The following SYNRG variants were observed in gnomAD, a reference collection of about 807,000 sequenced individuals.
SYNRG encodes the protein synergin gamma, also known as AP1 gamma subunit binding protein 1.
In SYNRG, 37 loss-of-function variants were observed where a neutral mutation model predicts 130.9. That is an observed-to-expected ratio of 0.28 (90% confidence interval 0.22 to 0.37). The LOEUF is 0.37. SYNRG is among the 10% of genes least tolerant of loss of function. SYNRG has a pLI of 1.00. For synonymous variants in SYNRG, 539 were observed against 568.1 expected, an observed-to-expected ratio of 0.95 and a Z score of 0.73; for missense variants, 1,338 against 1,588.9, an observed-to-expected ratio of 0.84 and a Z score of 2.68.
intron 3 of SYNRG, among the ~76,000 whole-genome samples, chr17:37,592,342 G>A (rs113247883): frequency 1.4e-3 from 211 of 152,308 alleles, no homozygotes; most frequent in African/African-American, 4.9e-3. Flanking sequence ...TACATTGCCG[G>A]TGGGAATGTA....
At chr17:37,591,206 TA>T (rs1485418270) in intron 3 of SYNRG, among the ~76,000 whole-genome samples, 1 of 152,160 alleles carries the variant, frequency 6.6e-6, no homozygotes, top group Non-Finnish European at 1.5e-5. Context: ...CACTGACATT[TA>T]AAAAACGCCA....
chr17:37,560,765 A>G (rs948654219), intron 13 of SYNRG, among the ~76,000 whole-genome samples: 1 of 151,720 alleles, frequency 6.6e-6, no homozygotes, highest in Non-Finnish European at 1.5e-5. Context: ...CCTGGGTTCA[A>G]GCGATTCTCT....
At chr17:37,586,352 T>C in intron 4 of SYNRG, 67 bp downstream of exon 4, 1 of 1,592,140 alleles carries the variant, frequency 6.3e-7, no homozygotes, top group Non-Finnish European at 8.6e-7. Flanking sequence ...CTAGAGATCA[T>C]TAGACAATTC....
intron 18 of SYNRG, chr17:37,536,477 T>C (rs958178180): frequency 1.2e-5 from 3 of 241,886 alleles, no homozygotes; most frequent in African/African-American, 2.3e-5. Context: ...TAGGGTAATA[T>C]GGTAAAAGGC....
Position 37,516,661 on chromosome 17 carries a change from CTTTTTTT to C in SYNRG, c.*2272_*2278del, listed in dbSNP as rs35105109. The C allele has an allele frequency of 1.8e-3, 252 of 138,848 alleles. No homozygotes were observed. Among genetic ancestry groups the C allele is most frequent in the African/African-American group, 6.5e-3 (244 of 37,672 alleles). 8.6% of individuals were successfully genotyped at this position (138,848 alleles called of 1,614,324 possible). Reference sequence around the variant, plus strand: ...AGCAATACAAATTCAAACTGGGAAACTTTTTTTTTTTTTTTTTTAAGAGACAGTGTCT... The same window carrying C: ...AGCAATACAAATTCAAACTGGGAAACTTTTTTTTTTTAAGAGACAGTGTCT... On this transcript the variant is annotated 3_prime_UTR_variant, in exon 22 of 22. Transcript: ENST00000612223.
intron 8 of SYNRG, 57 bp from the exon 9 acceptor site, chr17:37,572,044 T>G (rs1380598707): frequency 1.2e-5 from 17 of 1,449,188 alleles, no homozygotes; most frequent in African/African-American, 2.8e-5. Context: ...ATTTATTTTT[T>G]GGGATGCCAT....
chr17:37,593,113 TAATC>T (rs1039957422), intron 3 of SYNRG, among the ~76,000 whole-genome samples: 45 of 152,100 alleles, frequency 3.0e-4, no homozygotes, highest in African/African-American at 1.0e-3. Context: ...AATATAATAA[TAATC>T]AAGACTAAAT....
rs186331113 is a variant in SYNRG, at chr17:37,604,110, C to T, written c.78-3707G>A. Among the ~76,000 whole-genome samples the T allele has an allele frequency of 1.1e-4, 17 of 151,972 alleles. No individual in the cohort carries two copies. The East Asian group carries it at 3.3e-3, about 29-fold the overall frequency. ...ATAAAATTAGCCTGGCGTGGTGGTG[C>T]GTGCCTGTAATCTCAGCTACTGGGG... On this transcript the variant is annotated intron_variant, in intron 1 of 21. Transcript: ENST00000612223.
rs760200270 is a variant in SYNRG, at chr17:37,561,608, A to G, written c.1482-19T>C. 16 of 1,567,456 alleles carry G rather than the reference A, an allele frequency of 1.0e-5. No homozygotes were observed. Among genetic ancestry groups the G allele is most frequent in the East Asian group, 4.5e-5 (2 of 44,544 alleles). On this transcript the variant is annotated intron_variant, in intron 11 of 21. Coordinates refer to ENST00000612223, the MANE Select transcript of SYNRG (RefSeq NM_007247.6). ...AGGGGCACTGAAGGAAAAAATAAACATATTTTGATGACATTGAATCCCTCC... is the reference window on the plus strand; with the variant it reads ...AGGGGCACTGAAGGAAAAAATAAACGTATTTTGATGACATTGAATCCCTCC...
chr17:37,576,697 T>C (rs188118150), intron 7 of SYNRG, among the ~76,000 whole-genome samples: 1 of 152,184 alleles, frequency 6.6e-6, no homozygotes, highest in Non-Finnish European at 1.5e-5. Context: ...CCATTTAACA[T>C]GTATTACAAA....
intron 14 of SYNRG, among the ~76,000 whole-genome samples, chr17:37,551,139 C>T (rs1361199958): frequency 6.6e-6 from 1 of 152,224 alleles, no homozygotes; most frequent in African/African-American, 2.4e-5. Flanking sequence ...CATCAGCTCA[C>T]TTCTTATTTC....
chr17:37,588,964 G>A (rs933484539), intron 3 of SYNRG, among the ~76,000 whole-genome samples: 2 of 151,992 alleles, frequency 1.3e-5, no homozygotes, highest in African/African-American at 4.8e-5. Context: ...TGGAAAGGAG[G>A]GACTGTCTAA....
intron 19 of SYNRG, among the ~76,000 whole-genome samples, chr17:37,527,730 C>T (rs1170372459): frequency 6.6e-6 from 1 of 152,126 alleles, no homozygotes; most frequent in Non-Finnish European, 1.5e-5. Context: ...AGGTTATATG[C>T]AAATCCTATG....
intron 17 of SYNRG, 147 bp from the exon 18 acceptor site, chr17:37,538,567 G>A (rs1205826406): frequency 6.5e-6 from 4 of 612,966 alleles, no homozygotes; most frequent in African/African-American, 1.9e-5. Context: ...CATTTCTCTG[G>A]AAGAGAAAAT....
In SYNRG at chr17:37,609,325, C is replaced by G; in HGVS notation, c.31G>C (p.Gly11Arg). 6.8e-7 allele frequency: 1 copy of G among 1,469,986 alleles called. No individual in the cohort carries two copies. The highest frequency in any genetic ancestry group is 8.9e-7 in the Non-Finnish European group (1 of 1,117,458). The allele number at this position is 1,469,986 out of a possible 1,614,324, so 91.1% of individuals were successfully genotyped here. MALRPGAGSG[G>R]GGAAGAGAGS... Reference sequence around the variant, plus strand: ...GCGCCAGCTCCCGCGGCCCCGCCGCCACCAGAACCAGCTCCTGGCCGCAGC... The same window carrying G: ...GCGCCAGCTCCCGCGGCCCCGCCGCGACCAGAACCAGCTCCTGGCCGCAGC... The change falls in exon 1 of 22, where the codon GGC becomes CGC. Residue 11 changes from glycine to arginine, a missense_variant. Physicochemically the swap from Gly to Arg is moderately radical, Grantham distance 125. Around this residue, in one of 3 missense-constraint regions of SYNRG, gnomAD observed 184 missense variants for 217.2 expected, o/e 0.85. Coordinates refer to ENST00000612223, the MANE Select transcript of SYNRG (RefSeq NM_007247.6).
chr17:37,522,553 C>T (rs988903357), intron 19 of SYNRG, among the ~76,000 whole-genome samples: 5 of 151,788 alleles, frequency 3.3e-5, no homozygotes, highest in African/African-American at 9.7e-5. Flanking sequence ...CTGCAGCCTC[C>T]GCCTCCTGGG....
chr17:37,545,602 G>A, intron 14 of SYNRG, among the ~76,000 whole-genome samples: 1 of 152,238 alleles, frequency 6.6e-6, no homozygotes, highest in African/African-American at 2.4e-5. Context: ...CCTAAGCTGA[G>A]GCATTTTTAA....
chr17:37,551,238 A>G (rs2058685014), intron 14 of SYNRG, among the ~76,000 whole-genome samples: 1 of 152,222 alleles, frequency 6.6e-6, no homozygotes, highest in South Asian at 2.1e-4. Flanking sequence ...CATTACTTTG[A>G]ATAAGTCCTT....
chr17:37,600,439 A>C, intron 1 of SYNRG, 36 bp from the exon 2 acceptor site: 1 of 1,603,006 alleles, frequency 6.2e-7, no homozygotes, highest in Non-Finnish European at 8.5e-7. Flanking sequence ...TAATCTTCGT[A>C]TGTACAAAGA....
Sources: gnomAD v4.1 joint callset for allele counts (sites outside exome capture counted in the v4.1 genomes callset) on GRCh38, gnomAD v4.1.1 for gene constraint, gnomAD v4.1.1 regional missense constraint, MANE v1.5 for transcripts, NCBI Gene and HGNC (gene_info 2026-07-23, HGNC 2026-07-21) for gene names.